The following TINAG variants were observed in gnomAD, a reference collection of about 807,000 sequenced individuals.
TINAG encodes tubulointerstitial nephritis antigen.
TINAG carries 83 observed loss-of-function variants against 72.7 expected under a neutral mutation model. That is an observed-to-expected ratio of 1.14 (90% CI 0.96 to 1.37). TINAG has a LOEUF of 1.37. Among genes scored for constraint, TINAG ranks in the 40% most tolerant of loss-of-function variants. The pLI, the probability that TINAG is intolerant of heterozygous loss-of-function variation, is 0.00. For missense variants in TINAG, 685 were observed against 576.6 expected, an observed-to-expected ratio of 1.19 and a Z score of -1.93; for synonymous variants, 234 against 189.9, an observed-to-expected ratio of 1.23 and a Z score of -1.91.
rs1763915391 is a variant in TINAG at position 54,380,525 on chromosome 6, G to A, written c.1251-1G>A. The A allele has an allele frequency of 1.2e-6, 2 of 1,608,688 alleles. No homozygotes were observed. The highest frequency in any genetic ancestry group is 2.2e-5 in the East Asian group (1 of 44,544). On this transcript the variant is annotated splice_acceptor_variant, in intron 9 of 10. Transcript: ENST00000259782. LOFTEE classifies it high-confidence loss of function. ...ATCTTTATTATTGTTATTAATTGTA[G>A]ATGGGGCACACTGAGAGGAGCACAA...
chr6:54,338,391 A>T (rs555179674), intron 4 of TINAG, among the ~76,000 whole-genome samples: 1 of 152,116 alleles, frequency 6.6e-6, no homozygotes, highest in Non-Finnish European at 1.5e-5. Context: ...TGGCCTCTCC[A>T]TGGCTGGGTC....
At chr6:54,373,581 A>C (rs1451667391) in intron 9 of TINAG, among the ~76,000 whole-genome samples, 2 of 152,148 alleles carry the variant, frequency 1.3e-5, no homozygotes, top group African/African-American at 4.8e-5. Flanking sequence ...TATCTATGAA[A>C]TATATAAAAT....
intron 9 of TINAG, among the ~76,000 whole-genome samples, chr6:54,373,130 A>T (rs1763681972): frequency 6.6e-6 from 1 of 152,092 alleles, no homozygotes. Context: ...TGAGACTTGG[A>T]TGTGATAAAT....
At position 54,347,411 on chromosome 6, in the gene TINAG, A is replaced by G; in HGVS notation, c.793A>G (p.Thr265Ala). The change falls in exon 6 of 11, where the codon ACG becomes GCG. Residue 265 changes from threonine (T) to alanine (A), a missense_variant. Physicochemically the swap from Thr to Ala is moderately conservative, Grantham distance 58. Coordinates refer to ENST00000259782, the MANE Select transcript of TINAG (RefSeq NM_014464.4). ...RIAIQSKGRY[T>A]ANLSPQNLIS... ...AGCAATTCAGTCTAAGGGTCGATACACGGCCAATCTATCCCCTCAGAATTT... is the reference window on the plus strand; with the variant it reads ...AGCAATTCAGTCTAAGGGTCGATACGCGGCCAATCTATCCCCTCAGAATTT... The G allele has an allele frequency of 6.2e-7, 1 of 1,613,240 alleles. No homozygotes were observed. The highest frequency in any genetic ancestry group is 8.5e-7 in the Non-Finnish European group (1 of 1,179,546).
rs535705136 is a variant in TINAG, at chr6:54,336,366, T to G, written c.625-6860T>G. Among the ~76,000 whole-genome samples the G allele has an allele frequency of 2.1e-3, 326 of 152,290 alleles. 1 individual carries two copies. The highest frequency in any genetic ancestry group is 3.5e-3 in the Non-Finnish European group (236 of 68,012). On this transcript the variant is annotated intron_variant, in intron 4 of 10. Transcript: ENST00000259782. Reference sequence around the variant, plus strand: ...CTAAGTTATTAAAACCTTCATTATTTGCAGCATTTTCTTTTATAAAGAAAG... The same window carrying G: ...CTAAGTTATTAAAACCTTCATTATTGGCAGCATTTTCTTTTATAAAGAAAG...
Position 54,347,367 on chromosome 6 carries a change from G to A in TINAG, c.749G>A (p.Ser250Asn). 1 of 1,612,176 alleles carries A rather than the reference G, an allele frequency of 6.2e-7. No homozygotes were observed. The highest frequency in any genetic ancestry group is 2.2e-5 in the East Asian group (1 of 44,750). Residue 250 changes from serine (S) to asparagine (N), a missense_variant and splice_region_variant, in exon 6 of 11, where the codon AGT becomes AAT. Coordinates refer to ENST00000259782, the MANE Select transcript of TINAG (RefSeq NM_014464.4). ...TTAATTGATATTCTATTTGAAACAG[G>A]TGTGGCTGCTGACCGAATAGCAATT... ...CAASWAFSTA[S>N]VAADRIAIQS...
At chr6:54,377,592 T>A (rs1763818956) in intron 9 of TINAG, among the ~76,000 whole-genome samples, 2 of 152,076 alleles carry the variant, frequency 1.3e-5, no homozygotes, top group African/African-American at 4.8e-5. Flanking sequence ...TTGTAAATAA[T>A]CTTCAAATGA....
At chr6:54,372,727 C>CATATATATATATATAT (rs67301819) in intron 9 of TINAG, among the ~76,000 whole-genome samples, 3 of 133,952 alleles carry the variant, frequency 2.2e-5, no homozygotes, top group Admixed American at 1.8e-4. Flanking sequence ...TAAATACATA[C>CATATATATATATATAT]ATATATATAT....
At chr6:54,344,664 G>A (rs933547640) in intron 5 of TINAG, among the ~76,000 whole-genome samples, 1 of 152,120 alleles carries the variant, frequency 6.6e-6, no homozygotes, top group Non-Finnish European at 1.5e-5. Context: ...AATACTGAAA[G>A]CAACTTGCTA....
intron 9 of TINAG, chr6:54,367,161 TC>T: frequency 6.6e-6 from 1 of 151,874 alleles, no homozygotes; most frequent in Non-Finnish European, 1.5e-5. Flanking sequence ...TTTCCCCGTA[TC>T]CTTTGAAATG....
rs79815013 is a variant in TINAG, at chr6:54,313,755, T to G, written c.355+4850T>G. Among the ~76,000 whole-genome samples, 3,676 of 152,236 alleles carry G rather than the reference T, an allele frequency of 0.024. 273 individuals carry two copies. The East Asian group carries it at 0.3, about 12-fold the overall frequency. ...CAAATTTTGTATTTGTTAAATTAAATAATAATTTACTCATATGATTTAAAA... is the reference window on the plus strand; with the variant it reads ...CAAATTTTGTATTTGTTAAATTAAAGAATAATTTACTCATATGATTTAAAA... On this transcript the variant is annotated intron_variant, in intron 1 of 10. Coordinates refer to ENST00000259782, the MANE Select transcript of TINAG (RefSeq NM_014464.4).
chr6:54,336,288 G>C (rs1784863777), intron 4 of TINAG, among the ~76,000 whole-genome samples: 1 of 152,078 alleles, frequency 6.6e-6, no homozygotes, highest in African/African-American at 2.4e-5. Flanking sequence ...TTTCTCCCTT[G>C]TATTGACCTT....
intron 4 of TINAG, among the ~76,000 whole-genome samples, chr6:54,330,598 C>CT (rs1001649414): frequency 1.3e-5 from 2 of 151,990 alleles, no homozygotes; most frequent in African/African-American, 4.8e-5. Context: ...CGAGAAATAA[C>CT]TAAGATCAGA....
In TINAG at chr6:54,389,941, C is replaced by T. The variant is rs373741010; in HGVS notation, c.*16C>T. ...TGAACCATAACATATCATTAAATTT[C>T]CATAAGGTCATGCCTTTAAGTAACC... On this transcript the variant is annotated 3_prime_UTR_variant, in exon 11 of 11. Coordinates refer to ENST00000259782, the MANE Select transcript of TINAG (RefSeq NM_014464.4). The T allele has an allele frequency of 3.4e-5, 55 of 1,605,094 alleles. No homozygotes were observed. Among genetic ancestry groups the T allele is most frequent in the Admixed American group, 2.1e-4 (12 of 57,810 alleles).
intron 3 of TINAG, among the ~76,000 whole-genome samples, chr6:54,325,249 C>T (rs1784577798): frequency 6.6e-6 from 1 of 152,212 alleles, no homozygotes; most frequent in South Asian, 2.1e-4. Flanking sequence ...ATGCCAAAGT[C>T]ATTTCTATCT....
chr6:54,377,489 G>A (rs543351198), intron 9 of TINAG, among the ~76,000 whole-genome samples: 1 of 151,974 alleles, frequency 6.6e-6, no homozygotes, highest in South Asian at 2.1e-4. Context: ...TCCAGCCTGG[G>A]CAACAGGGTG....
At chr6:54,357,147 C>T (rs1411929843) in intron 9 of TINAG, among the ~76,000 whole-genome samples, 1 of 151,906 alleles carries the variant, frequency 6.6e-6, no homozygotes, top group Admixed American at 6.6e-5. Flanking sequence ...TTGGTCAGAT[C>T]CCAGACCTGC....
At chr6:54,375,529 C>A (rs1763754223) in intron 9 of TINAG, among the ~76,000 whole-genome samples, 1 of 152,140 alleles carries the variant, frequency 6.6e-6, no homozygotes, top group Non-Finnish European at 1.5e-5. Flanking sequence ...AACCTTGACT[C>A]TTTCTCATCC....
intron 2 of TINAG, 129 bp downstream of exon 2, chr6:54,320,771 C>T: frequency 1.6e-6 from 1 of 624,128 alleles, no homozygotes. Context: ...CATAAGACAT[C>T]ATGTACCTGT....
Sources: gnomAD v4.1 joint callset for allele counts (sites outside exome capture counted in the v4.1 genomes callset) on GRCh38, gnomAD v4.1.1 for gene constraint, MANE v1.5 for transcripts, NCBI Gene and HGNC (gene_info 2026-07-23, HGNC 2026-07-21) for gene names.